ABCB5: variants seen among roughly 807,000 people sequenced by gnomAD.
ABCB5 encodes the protein ATP-binding cassette sub-family B member 5.
In ABCB5, 155 loss-of-function variants were observed where a neutral mutation model predicts 144.2. The ratio of observed to expected loss-of-function variants is 1.08; its 90% CI spans 0.94 to 1.23. The LOEUF (loss-of-function observed/expected upper bound fraction) is 1.23. Ranked by LOEUF, ABCB5 falls within the 50% of genes most tolerant of loss-of-function variation. The pLI, the probability that ABCB5 is intolerant of heterozygous loss-of-function variation, is 0.00. For missense variants in ABCB5, 1,830 were observed against 1,520.8 expected (o/e 1.20, Z -3.38); for synonymous variants, 610 against 528.6 (o/e 1.15, Z -2.11).
At chr7:20,659,190 T>TAC in intron 14 of ABCB5, 5 of 1,610,372 alleles carry the variant, frequency 3.1e-6, no homozygotes, top group Non-Finnish European at 3.4e-6. Flanking sequence ...GCCTATGAGC[T>TAC]ACTGCACATA....
intron 3 of ABCB5, 125 bp from the exon 4 acceptor site, chr7:20,628,563 C>T: frequency 1.9e-5 from 16 of 853,534 alleles, no homozygotes; most frequent in South Asian, 1.2e-4. Context: ...ACTTATTTAC[C>T]ATCTTAATGT....
intron 20 of ABCB5, among the ~76,000 whole-genome samples, chr7:20,716,548 T>G (rs557402915): frequency 6.6e-6 from 1 of 152,244 alleles, no homozygotes; most frequent in African/African-American, 2.4e-5. Context: ...AGTACTTTAG[T>G]GGACATTTTA....
At chr7:20,628,332 A>G (rs1208947274) in intron 3 of ABCB5, among the ~76,000 whole-genome samples, 1 of 152,172 alleles carries the variant, frequency 6.6e-6, no homozygotes, top group Non-Finnish European at 1.5e-5. Flanking sequence ...TGCAAAGGAC[A>G]TGAACTCATC....
At position 20,661,651 on chromosome 7, in the gene ABCB5, C is replaced by G. The variant is rs144917319; in HGVS notation, c.1707+2975C>G. Among the ~76,000 whole-genome samples, 1,359 of 151,184 alleles carry G rather than the reference C, an allele frequency of 9.0e-3. 22 individuals carry two copies. Among genetic ancestry groups the G allele is most frequent in the African/African-American group, 0.032 (1,304 of 40,996 alleles). ...CCTGGGATAAGCAGTTATCCTGCCTCAGGCTCCTGAGTAGCTGGGATTACA... is the reference window on the plus strand; with the variant it reads ...CCTGGGATAAGCAGTTATCCTGCCTGAGGCTCCTGAGTAGCTGGGATTACA... On this transcript the variant is annotated intron_variant, in intron 14 of 27. Transcript: ENST00000404938.
chr7:20,663,056 G>A (rs541408947), intron 14 of ABCB5, among the ~76,000 whole-genome samples: 5 of 152,278 alleles, frequency 3.3e-5, no homozygotes, highest in African/African-American at 1.2e-4. Context: ...CTGAAGCACA[G>A]GGAGGTTAAG....
chr7:20,708,852 T>C (rs973584501), intron 20 of ABCB5, among the ~76,000 whole-genome samples: 3 of 152,256 alleles, frequency 2.0e-5, no homozygotes, highest in Non-Finnish European at 2.9e-5. Context: ...TCAGTTGTAA[T>C]GTATCTTAGT....
At chr7:20,743,620 C>T (rs143081002) in intron 25 of ABCB5, among the ~76,000 whole-genome samples, 5 of 152,138 alleles carry the variant, frequency 3.3e-5, no homozygotes, top group African/African-American at 1.2e-4. Context: ...TCTTACTATA[C>T]CTTATATTGT....
chr7:20,617,483 T>C (rs1445340688), intron 1 of ABCB5, among the ~76,000 whole-genome samples: 1 of 152,210 alleles, frequency 6.6e-6, no homozygotes, highest in Admixed American at 6.5e-5. Flanking sequence ...ACTTTATTTT[T>C]ATAATCTTGG....
In ABCB5 at chr7:20,699,574, G is replaced by A. The variant is rs138971883; in HGVS notation, c.2155-251G>A. Among the ~76,000 whole-genome samples the A allele has an allele frequency of 4.6e-3, 702 of 151,994 alleles. 6 individuals carry two copies. The highest frequency in any genetic ancestry group is 0.016 in the African/African-American group (671 of 41,464). On this transcript the variant is annotated intron_variant, in intron 17 of 27. Coordinates refer to ENST00000404938, the MANE Select transcript of ABCB5 (RefSeq NM_001163941.2). Reference sequence around the variant, plus strand: ...AAATTAGCCGGGTGTGGTGGTGCGCGCCTGTAATCCCAGCTACTCGGGAGG... The same window carrying A: ...AAATTAGCCGGGTGTGGTGGTGCGCACCTGTAATCCCAGCTACTCGGGAGG...
At chr7:20,649,934 T>C (rs1431146768) in intron 11 of ABCB5, 88 bp from the exon 12 acceptor site, 2 of 1,405,104 alleles carry the variant, frequency 1.4e-6, no homozygotes, top group African/African-American at 1.4e-5. Flanking sequence ...AATTTGTTTT[T>C]GGTTATAATT....
intron 14 of ABCB5, among the ~76,000 whole-genome samples, chr7:20,663,029 T>C (rs1401675063): frequency 3.3e-5 from 5 of 152,160 alleles, no homozygotes; most frequent in Non-Finnish European, 5.9e-5. Context: ...TGTTTTACAG[T>C]TGAGCTGTAA....
intron 23 of ABCB5, among the ~76,000 whole-genome samples, chr7:20,737,316 A>G (rs574713982): frequency 3.3e-5 from 5 of 152,206 alleles, no homozygotes; most frequent in African/African-American, 1.2e-4. Flanking sequence ...CTCATTAAAG[A>G]CGGTATCAGG....
chr7:20,677,181 T>C (rs1417228376), intron 14 of ABCB5, among the ~76,000 whole-genome samples: 1 of 152,192 alleles, frequency 6.6e-6, no homozygotes, highest in Non-Finnish European at 1.5e-5. Flanking sequence ...AGTGTGATAA[T>C]TTGCTTTTAA....
Position 20,756,644 on chromosome 7 carries a change from A to G in ABCB5, c.*1020A>G, listed in dbSNP as rs571189181. On this transcript the variant is annotated 3_prime_UTR_variant, in exon 28 of 28. Coordinates refer to ENST00000404938, the MANE Select transcript of ABCB5 (RefSeq NM_001163941.2). ...CGCAACAGAGCGAGACTCCATCTCAAAAAATAATAAATAAGAGCTAATTTT... is the reference window on the plus strand; with the variant it reads ...CGCAACAGAGCGAGACTCCATCTCAGAAAATAATAAATAAGAGCTAATTTT... 6.6e-6 allele frequency: 1 copy of G among 152,338 alleles called. No homozygotes were observed. The highest frequency in any genetic ancestry group is 1.5e-5 in the Non-Finnish European group (1 of 68,032). The allele number at this position is 152,338 out of a possible 1,614,324, so 9.4% of individuals were successfully genotyped here.
chr7:20,688,717 C>A (rs1786091751), intron 16 of ABCB5, among the ~76,000 whole-genome samples: 1 of 152,142 alleles, frequency 6.6e-6, no homozygotes. Context: ...TTGGAACCAA[C>A]CCAAATGCCC....
chr7:20,722,942 A>C, intron 20 of ABCB5, 74 bp from the exon 21 acceptor site: 1 of 1,334,198 alleles, frequency 7.5e-7, no homozygotes, highest in Non-Finnish European at 1.1e-6. Context: ...CTTGTTTTGC[A>C]AGGAACTATA....
chr7:20,668,428 G>C (rs1785296978), intron 14 of ABCB5, among the ~76,000 whole-genome samples: 2 of 151,380 alleles, frequency 1.3e-5, no homozygotes, highest in South Asian at 2.1e-4. Flanking sequence ...TGTCTGGGAG[G>C]TGAGGAGCGT....
At position 20,698,391 on chromosome 7, in the gene ABCB5, CAT is replaced by C. The variant is rs777052778; in HGVS notation, c.2011-13_2011-12del. 4 of 1,553,228 alleles carry C rather than the reference CAT, an allele frequency of 2.6e-6. No homozygotes were observed. In the African/African-American group the frequency reaches 4.2e-5, roughly 16 times the overall value. Reference sequence around the variant, plus strand: ...CACACAAACTGGCATTTTTAACCAACATATTTTATTTTTAGATAAGTCTTCCT... The same window carrying C: ...CACACAAACTGGCATTTTTAACCAACATTTTATTTTTAGATAAGTCTTCCT... On this transcript the variant is annotated splice_polypyrimidine_tract_variant and intron_variant, in intron 16 of 27. Coordinates refer to ENST00000404938, the MANE Select transcript of ABCB5 (RefSeq NM_001163941.2).
At chr7:20,679,534 T>C (rs541158230) in intron 14 of ABCB5, among the ~76,000 whole-genome samples, 24 of 148,114 alleles carry the variant, frequency 1.6e-4, no homozygotes, top group African/African-American at 5.2e-4. Flanking sequence ...TAAACTTTCA[T>C]TGTAATACAT....
Sources: gnomAD v4.1 joint callset for allele counts (sites outside exome capture counted in the v4.1 genomes callset) on GRCh38, gnomAD v4.1.1 for gene constraint, MANE v1.5 for transcripts, NCBI Gene and HGNC (gene_info 2026-07-23, HGNC 2026-07-21) for gene names.